The following ZCWPW2 variants were observed in gnomAD, a reference collection of about 807,000 sequenced individuals.
The protein encoded by ZCWPW2 is zinc finger CW-type and PWWP domain containing 2.
Under a neutral mutation model 46.6 loss-of-function variants are expected in ZCWPW2, and 45 were observed. That is an observed-to-expected ratio of 0.96 (90% CI 0.76 to 1.24). The LOEUF (loss-of-function observed/expected upper bound fraction) is 1.24. Among genes scored for constraint, ZCWPW2 ranks in the 50% most tolerant of loss-of-function variants. The probability of loss-of-function intolerance (pLI) is 0.00; values close to 1 mark genes in which losing one functional copy is unlikely to be tolerated. For synonymous variants in ZCWPW2, 152 were observed against 137.1 expected, an observed-to-expected ratio of 1.11 and a Z score of -0.76; for missense variants, 429 against 403.9, an observed-to-expected ratio of 1.06 and a Z score of -0.53.
At chr3:28,358,807 A>G (rs1704834091) in intron 1 of ZCWPW2, among the ~76,000 whole-genome samples, 1 of 152,088 alleles carries the variant, frequency 6.6e-6, no homozygotes, top group South Asian at 2.1e-4. Flanking sequence ...TATGGTCAGA[A>G]GTTGGAGGAG....
intron 4 of ZCWPW2, among the ~76,000 whole-genome samples, chr3:28,438,986 T>C (rs991413678): frequency 3.3e-5 from 5 of 150,926 alleles, no homozygotes; most frequent in Non-Finnish European, 2.9e-5. Context: ...TCTCAGTGTA[T>C]TAGTCAGGGT....
chr3:28,447,466 A>C (rs948224878), intron 4 of ZCWPW2, among the ~76,000 whole-genome samples: 7 of 152,116 alleles, frequency 4.6e-5, no homozygotes. Context: ...ATGATTTAAA[A>C]AAAAAAACAC....
intron 1 of ZCWPW2, among the ~76,000 whole-genome samples, chr3:28,359,969 A>T (rs1176277456): frequency 6.6e-6 from 1 of 152,186 alleles, no homozygotes; most frequent in Non-Finnish European, 1.5e-5. Flanking sequence ...TGTTTTGCTA[A>T]CAGGATGATA....
At chr3:28,456,729 C>A (rs1164383812) in intron 4 of ZCWPW2, among the ~76,000 whole-genome samples, 2 of 152,076 alleles carry the variant, frequency 1.3e-5, no homozygotes. Flanking sequence ...TTCAGATAAT[C>A]ATGTGTTTTT....
chr3:28,433,520 A>G (rs1186525018), intron 3 of ZCWPW2, among the ~76,000 whole-genome samples: 3 of 152,150 alleles, frequency 2.0e-5, no homozygotes, highest in Non-Finnish European at 4.4e-5. Flanking sequence ...TAATCCCAGC[A>G]CTCTGGGAGG....
At chr3:28,506,111 AT>A (rs1700270100) in intron 6 of ZCWPW2, among the ~76,000 whole-genome samples, 1 of 147,370 alleles carries the variant, frequency 6.8e-6, no homozygotes, top group Non-Finnish European at 1.5e-5. Context: ...TAATATATAT[AT>A]TTAACAAATA....
intron 8 of ZCWPW2, among the ~76,000 whole-genome samples, chr3:28,518,840 C>G (rs1700647929): frequency 6.6e-6 from 1 of 152,090 alleles, no homozygotes; most frequent in Non-Finnish European, 1.5e-5. Context: ...GTGAGTGGAA[C>G]TGGGGAATTG....
rs549961982 is a variant in ZCWPW2, at chr3:28,368,783, C to T, written c.-134+19580C>T. On this transcript the variant is annotated intron_variant, in intron 1 of 9. Coordinates refer to ENST00000383768, the MANE Select transcript of ZCWPW2 (RefSeq NM_001040432.4). ...CAACTTGGTTCCATTCTCCTTGTCA[C>T]TTTCAGGTACACCAATCAGATGTAG... Among the ~76,000 whole-genome samples the T allele has an allele frequency of 5.9e-5, 9 of 152,342 alleles. No individual in the cohort carries two copies. The South Asian group carries it at 1.9e-3, about 32-fold the overall frequency.
At chr3:28,468,603 G>A (rs1033865208) in intron 4 of ZCWPW2, among the ~76,000 whole-genome samples, 10 of 152,114 alleles carry the variant, frequency 6.6e-5, no homozygotes, top group East Asian at 5.8e-4. Context: ...ATGGTACTCC[G>A]ATATACCTGT....
At chr3:28,502,879 G>C (rs908850313) in intron 6 of ZCWPW2, among the ~76,000 whole-genome samples, 8 of 152,024 alleles carry the variant, frequency 5.3e-5, no homozygotes, top group Non-Finnish European at 8.8e-5. Flanking sequence ...TGCAAATCTG[G>C]TTTTTGGTAA....
chr3:28,469,403 C>T (rs1489903315), intron 4 of ZCWPW2, among the ~76,000 whole-genome samples: 2 of 152,042 alleles, frequency 1.3e-5, no homozygotes, highest in Non-Finnish European at 2.9e-5. Flanking sequence ...GGACTGAACT[C>T]TCCAATCAAA....
intron 5 of ZCWPW2, among the ~76,000 whole-genome samples, chr3:28,488,468 C>A (rs976369023): frequency 6.6e-6 from 1 of 152,136 alleles, no homozygotes; most frequent in South Asian, 2.1e-4. Flanking sequence ...TACGAAAATG[C>A]TCTCAGCTAT....
chr3:28,517,494 T>G (rs1420492007), intron 8 of ZCWPW2, among the ~76,000 whole-genome samples: 1 of 152,046 alleles, frequency 6.6e-6, no homozygotes, highest in Non-Finnish European at 1.5e-5. Flanking sequence ...ATGACCAGAT[T>G]TCATGAGAAC....
At chr3:28,491,600 T>G (rs1323658437) in intron 5 of ZCWPW2, among the ~76,000 whole-genome samples, 2 of 152,024 alleles carry the variant, frequency 1.3e-5, no homozygotes, top group African/African-American at 4.8e-5. Context: ...ATTAGAGGCT[T>G]GCGATCAGAT....
intron 1 of ZCWPW2, among the ~76,000 whole-genome samples, chr3:28,383,556 AT>A (rs750291522): frequency 1.9e-4 from 29 of 151,034 alleles, no homozygotes; most frequent in East Asian, 3.9e-4. Flanking sequence ...ATTAGGGTAT[AT>A]TTTTTTTTCT....
chr3:28,430,577 A>G (rs949812266), intron 3 of ZCWPW2, among the ~76,000 whole-genome samples: 1 of 152,150 alleles, frequency 6.6e-6, no homozygotes, highest in African/African-American at 2.4e-5. Flanking sequence ...TAATGTGAGG[A>G]CATGAGATTT....
intron 6 of ZCWPW2, among the ~76,000 whole-genome samples, chr3:28,509,486 A>G (rs1700368534): frequency 2.6e-5 from 4 of 152,126 alleles, no homozygotes; most frequent in Admixed American, 2.6e-4. Context: ...CCCTGTGAAC[A>G]CTTGTCATTG....
intron 4 of ZCWPW2, among the ~76,000 whole-genome samples, chr3:28,469,532 C>G (rs1018249654): frequency 1.3e-5 from 2 of 151,892 alleles, no homozygotes; most frequent in African/African-American, 4.8e-5. Flanking sequence ...AAAAGATATT[C>G]CATGCCAGTG....
At chr3:28,372,461 A>C (rs1461782941) in intron 1 of ZCWPW2, among the ~76,000 whole-genome samples, 1 of 152,204 alleles carries the variant, frequency 6.6e-6, no homozygotes, top group Non-Finnish European at 1.5e-5. Context: ...ACTTTTTAAA[A>C]ATAACTTTTT....
Sources: gnomAD v4.1 joint callset for allele counts (sites outside exome capture counted in the v4.1 genomes callset) on GRCh38, gnomAD v4.1.1 for gene constraint, MANE v1.5 for transcripts, NCBI Gene and HGNC (gene_info 2026-07-23, HGNC 2026-07-21) for gene names.